Variants in CEP85L observed in about 807,000 individuals in gnomAD.
CEP85L encodes centrosomal protein of 85 kDa-like.
Under a neutral mutation model 100.3 loss-of-function variants are expected in CEP85L, and 60 were observed. The ratio of observed to expected loss-of-function variants is 0.60; its 90% confidence interval spans 0.49 to 0.74. The LOEUF is 0.74. Ranked by LOEUF, CEP85L falls within the 30% of genes least tolerant of loss-of-function variation. CEP85L has a pLI of 0.00. For missense variants in CEP85L, 973 were observed against 936.2 expected, an observed-to-expected ratio of 1.04 and a Z score of -0.51; for synonymous variants, 319 against 322.7, an observed-to-expected ratio of 0.99 and a Z score of 0.12.
chr6:118,491,196 T>TACACACAC (rs1160030823), intron 6 of CEP85L, among the ~76,000 whole-genome samples: 1,460 of 116,352 alleles, frequency 0.013, 10 homozygotes, highest in Non-Finnish European at 0.018. Context: ...CCAACATCTA[T>TACACACAC]ACACACACAC....
chr6:118,698,792 A>G (rs2114348890), intron 1 of CEP85L, among the ~76,000 whole-genome samples: 2 of 151,530 alleles, frequency 1.3e-5, no homozygotes, highest in South Asian at 4.1e-4. Context: ...TTTCCCCAGG[A>G]ATGTAGTGCA....
chr6:118,525,915 T>C (rs1776935125), intron 3 of CEP85L, among the ~76,000 whole-genome samples: 1 of 152,350 alleles, frequency 6.6e-6, no homozygotes, highest in Non-Finnish European at 1.5e-5. Flanking sequence ...AAAAATGCTA[T>C]TAATAAGACC....
chr6:118,629,331 A>G (rs1773996156), intron 2 of CEP85L, among the ~76,000 whole-genome samples: 1 of 152,220 alleles, frequency 6.6e-6, no homozygotes, highest in African/African-American at 2.4e-5. Flanking sequence ...AAACTCAACA[A>G]TAAGAAAACT....
chr6:118,651,573 T>C lies in CEP85L; in HGVS notation c.-304A>G, dbSNP rs984063857. ...CCAGGCTCAAAGGCTCCAGGCGAAG[T>C]TGCAGCTGCGGGTTCTCTCCGCCCC... On this transcript the variant is annotated 5_prime_UTR_variant, in exon 1 of 13. Transcript: ENST00000368491. The C allele has an allele frequency of 1.2e-5, 14 of 1,155,356 alleles. No individual in the cohort carries two copies. Among genetic ancestry groups the C allele is most frequent in the Non-Finnish European group, 1.5e-5 (14 of 939,032 alleles). 71.6% of individuals were successfully genotyped at this position (1,155,356 alleles called of 1,614,324 possible).
At chr6:118,486,450 A>G (rs1774192952) in intron 6 of CEP85L, among the ~76,000 whole-genome samples, 1 of 152,228 alleles carries the variant, frequency 6.6e-6, no homozygotes, top group Non-Finnish European at 1.5e-5. Context: ...TATAAGAAAG[A>G]ACTCAAAGGT....
intron 2 of CEP85L, 101 bp downstream of exon 2, chr6:118,632,352 A>G: frequency 2.2e-6 from 2 of 929,500 alleles, no homozygotes; most frequent in Non-Finnish European, 3.2e-6. Flanking sequence ...TTCAAACACT[A>G]TAATTTTCAG....
At position 118,555,920 on chromosome 6, in the gene CEP85L, T is replaced by C. The variant is rs566102621; in HGVS notation, c.1020+9609A>G. Among the ~76,000 whole-genome samples the C allele has an allele frequency of 2.0e-5, 3 of 152,128 alleles. No individual in the cohort carries two copies. In the South Asian group the frequency reaches 6.2e-4, roughly 31 times the overall value. On this transcript the variant is annotated intron_variant, in intron 3 of 12. Transcript: ENST00000368491. ...TGTGGTATTTGGTTTTCTTTTCCTA[T>C]GTTAGTTTGCTAGGGATAATGACCT...
At chr6:118,623,163 T>G (rs906252128) in intron 2 of CEP85L, among the ~76,000 whole-genome samples, 1 of 152,286 alleles carries the variant, frequency 6.6e-6, no homozygotes, top group Admixed American at 6.5e-5. Flanking sequence ...TTCTCCAAAC[T>G]ATGCGGCAGG....
intron 3 of CEP85L, among the ~76,000 whole-genome samples, chr6:118,535,349 G>C (rs1777528698): frequency 6.6e-6 from 1 of 152,150 alleles, no homozygotes; most frequent in South Asian, 2.1e-4. Flanking sequence ...ATAAGAATCA[G>C]ATCAGTGGTT....
At chr6:118,582,042 C>T (rs1486320223) in intron 2 of CEP85L, among the ~76,000 whole-genome samples, 2 of 152,146 alleles carry the variant, frequency 1.3e-5, no homozygotes, top group South Asian at 2.1e-4. Flanking sequence ...GTTCTTTTAG[C>T]GGCCACAGGG....
At chr6:118,523,134 C>G (rs1400593154) in intron 4 of CEP85L, among the ~76,000 whole-genome samples, 6 of 152,258 alleles carry the variant, frequency 3.9e-5, no homozygotes, top group Non-Finnish European at 7.4e-5. Context: ...GGAATTGCTT[C>G]CCAATTATCA....
chr6:118,484,868 G>C (rs1774063238), intron 6 of CEP85L, among the ~76,000 whole-genome samples: 1 of 152,306 alleles, frequency 6.6e-6, no homozygotes, highest in Admixed American at 6.5e-5. Flanking sequence ...TAATGGACTA[G>C]TGAAACCAAT....
intron 1 of CEP85L, among the ~76,000 whole-genome samples, chr6:118,682,012 G>A (rs980057064): frequency 2.6e-5 from 4 of 152,106 alleles, no homozygotes; most frequent in Admixed American, 1.3e-4. Flanking sequence ...GATTACAGGC[G>A]TGAGCCTGGG....
At chr6:118,522,116 T>C (rs980619324) in intron 4 of CEP85L, among the ~76,000 whole-genome samples, 1 of 152,074 alleles carries the variant, frequency 6.6e-6, no homozygotes. Flanking sequence ...ATCCCAGCAC[T>C]TGGGGAGGCA....
At chr6:118,538,879 C>G (rs1777750063) in intron 3 of CEP85L, among the ~76,000 whole-genome samples, 1 of 151,466 alleles carries the variant, frequency 6.6e-6, no homozygotes, top group Admixed American at 6.6e-5. Context: ...ATGAATCAAT[C>G]CCTTGTAATT....
chr6:118,600,300 G>T (rs1745874), intron 2 of CEP85L, among the ~76,000 whole-genome samples: 2,865 of 52,228 alleles, frequency 0.055, 578 homozygotes, highest in African/African-American at 0.13. Flanking sequence ...CCTTCCTGGG[G>T]GTGTGTGTGT....
intron 10 of CEP85L, among the ~76,000 whole-genome samples, chr6:118,475,274 T>G (rs1773270060): frequency 6.6e-6 from 1 of 151,988 alleles, no homozygotes; most frequent in African/African-American, 2.4e-5. Context: ...TGGTCTTGGT[T>G]CCACTTATCT....
At chr6:118,586,306 C>G (rs1487462529) in intron 2 of CEP85L, among the ~76,000 whole-genome samples, 1 of 152,100 alleles carries the variant, frequency 6.6e-6, no homozygotes, top group Non-Finnish European at 1.5e-5. Context: ...CTTTCCTTAC[C>G]AATGATTTTT....
intron 1 of CEP85L, among the ~76,000 whole-genome samples, chr6:118,707,596 A>G (rs1375473231): frequency 6.6e-6 from 1 of 152,200 alleles, no homozygotes; most frequent in Admixed American, 6.5e-5. Flanking sequence ...TGTTATTACA[A>G]AGAATGTGCT....
Sources: gnomAD v4.1 joint callset for allele counts (sites outside exome capture counted in the v4.1 genomes callset) on GRCh38, gnomAD v4.1.1 for gene constraint, MANE v1.5 for transcripts, NCBI Gene and HGNC (gene_info 2026-07-23, HGNC 2026-07-21) for gene names.